Variants in RPH3A observed in about 807,000 individuals in gnomAD.
RPH3A encodes the protein rabphilin 3A.
RPH3A carries 48 observed loss-of-function variants against 102.2 expected under a neutral mutation model. The ratio of observed to expected loss-of-function variants is 0.47; its 90% CI spans 0.37 to 0.60. The LOEUF (loss-of-function observed/expected upper bound fraction) is 0.60. Ranked by LOEUF, RPH3A falls within the 20% of genes least tolerant of loss-of-function variation. RPH3A has a pLI of 0.00. For missense variants in RPH3A, 781 were observed against 910.1 expected, an observed-to-expected ratio of 0.86 and a Z score of 1.83; for synonymous variants, 310 against 324.3, an observed-to-expected ratio of 0.96 and a Z score of 0.47.
At chr12:112,794,281 C>T (rs1377128609) in intron 2 of RPH3A, among the ~76,000 whole-genome samples, 2 of 152,176 alleles carry the variant, frequency 1.3e-5, no homozygotes, top group African/African-American at 4.8e-5. Context: ...GCCCTAAGTC[C>T]CCTTCAAGTT....
rs538518862 is a variant in RPH3A, at chr12:112,681,578, A to G, written c.-140+106259A>G. On this transcript the variant is annotated intron_variant, in intron 1 of 21. Coordinates refer to the RPH3A transcript ENST00000543106. ...CAATAACCTCCTAACTGCCTTTTCC[A>G]TCTCACTGTCTACATTACGGATAGT... Among the ~76,000 whole-genome samples, 7 of 152,298 alleles carry G rather than the reference A, an allele frequency of 4.6e-5. No individual in the cohort carries two copies. The South Asian group carries it at 1.5e-3, about 32-fold the overall frequency.
At chr12:112,638,900 T>C (rs1471254694) in intron 1 of RPH3A, among the ~76,000 whole-genome samples, 2 of 152,154 alleles carry the variant, frequency 1.3e-5, no homozygotes, top group Non-Finnish European at 2.9e-5. Context: ...TCTGCAGGTT[T>C]TTCCCTTTCC....
chr12:112,791,529 CCCT>C (rs1240422568), upstream of RPH3A: 2 of 152,068 alleles, frequency 1.3e-5, no homozygotes, highest in African/African-American at 2.4e-5. Flanking sequence ...CCCACCCATC[CCCT>C]CCTCCAAGGC....
intron 2 of RPH3A, among the ~76,000 whole-genome samples, chr12:112,799,537 C>A (rs1338050976): frequency 1.3e-5 from 2 of 152,148 alleles, no homozygotes; most frequent in Admixed American, 1.3e-4. Context: ...AGTTGCCTGC[C>A]TTTCTGCTCT....
At chr12:112,639,809 A>T (rs1364939594) in intron 1 of RPH3A, among the ~76,000 whole-genome samples, 2 of 152,100 alleles carry the variant, frequency 1.3e-5, no homozygotes, top group African/African-American at 4.8e-5. Flanking sequence ...TGAGGATGAG[A>T]CCCCAAAGTG....
chr12:112,837,336 G>A (rs1365493924), intron 4 of RPH3A, among the ~76,000 whole-genome samples: 2 of 152,146 alleles, frequency 1.3e-5, no homozygotes, highest in African/African-American at 4.8e-5. Flanking sequence ...TTTATCAACT[G>A]TAAAGCTTAA....
At chr12:112,867,024 T>G (rs2042623140) in intron 7 of RPH3A, among the ~76,000 whole-genome samples, 184 bp downstream of exon 7, 1 of 152,006 alleles carries the variant, frequency 6.6e-6, no homozygotes. Context: ...TTCCTTCCCA[T>G]CCTCTCTTCT....
chr12:112,589,839 T>C (rs974889830), intron 1 of RPH3A, among the ~76,000 whole-genome samples: 2 of 152,130 alleles, frequency 1.3e-5, no homozygotes, highest in Non-Finnish European at 2.9e-5. Context: ...TCCCAGCACT[T>C]TGAGAAGCTG....
chr12:112,866,990 C>G, intron 7 of RPH3A, 150 bp downstream of exon 7: 1 of 621,668 alleles, frequency 1.6e-6, no homozygotes, highest in Non-Finnish European at 2.8e-6. Context: ...TATTTCTCCT[C>G]CTCTGCTTCT....
chr12:112,753,557 T>C (rs1274326643), intron 1 of RPH3A, among the ~76,000 whole-genome samples: 1 of 152,192 alleles, frequency 6.6e-6, no homozygotes, highest in Admixed American at 6.5e-5. Flanking sequence ...TGGGGAAAAT[T>C]TCTCTCTGGT....
chr12:112,679,628 T>C (rs1013438382), intron 1 of RPH3A, among the ~76,000 whole-genome samples: 2 of 152,094 alleles, frequency 1.3e-5, no homozygotes, highest in African/African-American at 4.8e-5. Flanking sequence ...GTTTCACCAT[T>C]TTGTCTAGGC....
At position 112,897,174 on chromosome 12, in the gene RPH3A, A is replaced by ACACC. The variant is rs1491057106; in HGVS notation, c.*395_*396insACCC. Reference sequence around the variant, plus strand: ...CACACACACACACACACACACACACACCCTTTCATTCCCTGTGTTGTGTCT... The same window carrying ACACC: ...CACACACACACACACACACACACACACACCCCCTTTCATTCCCTGTGTTGTGTCT... On this transcript the variant is annotated 3_prime_UTR_variant, in exon 22 of 22. Transcript: ENST00000389385. The ACACC allele has an allele frequency of 6.1e-6, 1 of 164,076 alleles. No individual in the cohort carries two copies. The highest frequency in any genetic ancestry group is 2.5e-5 in the African/African-American group (1 of 40,596). 10.2% of individuals were successfully genotyped at this position (164,076 alleles called of 1,614,324 possible).
rs1012575940 is a variant in RPH3A at position 112,895,705 on chromosome 12, C to T, written c.1858-72C>T. 43 of 1,055,530 alleles carry T rather than the reference C, an allele frequency of 4.1e-5. 1 individual carries two copies. The highest frequency in any genetic ancestry group is 7.3e-6 in the Non-Finnish European group (5 of 680,464). The allele number at this position is 1,055,530 out of a possible 1,614,324, so 65.4% of individuals were successfully genotyped here. ...TCTCCTTGGCCCATAACCCCTAGGACTCGGCCTCTTACCTCCCAATGCTGT... is the reference window on the plus strand; with the variant it reads ...TCTCCTTGGCCCATAACCCCTAGGATTCGGCCTCTTACCTCCCAATGCTGT... On this transcript the variant is annotated intron_variant, in intron 20 of 21. Coordinates refer to ENST00000389385, the MANE Select transcript of RPH3A (RefSeq NM_001143854.2).
chr12:112,837,883 C>T, intron 4 of RPH3A: 4 of 450,168 alleles, frequency 8.9e-6, no homozygotes, highest in South Asian at 6.3e-5. Flanking sequence ...TCCTTCCCCC[C>T]TCCCTCCCTC....
chr12:112,630,499 A>AG (rs901999492), intron 1 of RPH3A, among the ~76,000 whole-genome samples: 13 of 152,158 alleles, frequency 8.5e-5, no homozygotes, highest in African/African-American at 3.1e-4. Context: ...TCTTGAGACA[A>AG]GGGGGCCAGG....
At chr12:112,602,987 T>C (rs1468063139) in intron 1 of RPH3A, among the ~76,000 whole-genome samples, 2 of 152,194 alleles carry the variant, frequency 1.3e-5, no homozygotes, top group African/African-American at 4.8e-5. Flanking sequence ...GAAATCTGTG[T>C]ATTTTTCCTG....
intron 2 of RPH3A, among the ~76,000 whole-genome samples, chr12:112,793,328 G>T (rs2041161303): frequency 6.6e-6 from 1 of 152,148 alleles, no homozygotes; most frequent in African/African-American, 2.4e-5. Flanking sequence ...TAGCATTTTT[G>T]CTATTATCTC....
intron 5 of RPH3A, 74 bp from the exon 6 acceptor site, chr12:112,865,340 C>T: frequency 1.3e-6 from 2 of 1,545,954 alleles, no homozygotes; most frequent in Non-Finnish European, 1.8e-6. Flanking sequence ...TGAAGACTAT[C>T]AACCTGACAC....
At chr12:112,881,714 G>T in intron 14 of RPH3A, 58 bp from the exon 15 acceptor site, 1 of 1,294,320 alleles carries the variant, frequency 7.7e-7, no homozygotes, top group South Asian at 1.3e-5. Flanking sequence ...CATTGCCGAT[G>T]ACAGCTGAGC....
Sources: gnomAD v4.1 joint callset for allele counts (sites outside exome capture counted in the v4.1 genomes callset) on GRCh38, gnomAD v4.1.1 for gene constraint, MANE v1.5 for transcripts, NCBI Gene and HGNC (gene_info 2026-07-23, HGNC 2026-07-21) for gene names.